The following MDFI variants were observed in gnomAD, a reference collection of about 807,000 sequenced individuals.
MDFI encodes the protein MyoD family inhibitor, also known as inhibitor of MyoD family a.
MDFI carries 16 observed loss-of-function variants against 22.3 expected under a neutral mutation model. The observed-to-expected ratio is 0.72, with a 90% CI of 0.49 to 1.09. The LOEUF (loss-of-function observed/expected upper bound fraction) is 1.09. Ranked by LOEUF, MDFI falls within the 50% of genes least tolerant of loss-of-function variation. The probability of loss-of-function intolerance (pLI) is 0.00; values close to 1 mark genes in which losing one functional copy is unlikely to be tolerated. For missense variants in MDFI, 314 were observed against 326.1 expected (o/e 0.96, Z 0.29); for synonymous variants, 145 against 142.7 (o/e 1.02, Z -0.12).
intron 2 of MDFI, among the ~76,000 whole-genome samples, chr6:41,644,734 A>G (rs1385466773): frequency 9.2e-6 from 1 of 108,262 alleles, no homozygotes; most frequent in South Asian, 3.2e-4. Context: ...CCCCACCCCC[A>G]CTCTCTCCCT....
Position 41,653,201 on chromosome 6 carries a change from G to T in MDFI, c.485-118G>T. ...CGGATTCGTGAGCTTCAGGCACACA[G>T]TGAACACTCAGCGTCCCTGCTGCTG... On this transcript the variant is annotated intron_variant, in intron 4 of 4. Transcript: ENST00000230321. The surrounding 1 kb of genome is among the most constrained non-coding windows in gnomAD (Gnocchi z 4.2). 1.9e-6 allele frequency: 2 copies of T among 1,051,648 alleles called. No homozygotes were observed. The highest frequency in any genetic ancestry group is 4.8e-5 in the East Asian group (2 of 41,978). The allele number at this position is 1,051,648 out of a possible 1,614,324, so 65.1% of individuals were successfully genotyped here.
chr6:41,649,751 A>G lies in MDFI; in HGVS notation c.392A>G (p.Gln131Arg). The G allele has an allele frequency of 6.2e-7, 1 of 1,614,122 alleles. No individual in the cohort carries two copies. Among genetic ancestry groups the G allele is most frequent in the South Asian group, 1.1e-5 (1 of 91,082 alleles). Residue 131 changes from glutamine to arginine, a missense_variant, in exon 4 of 5, where the codon CAG becomes CGG. Physicochemically the swap from Gln to Arg is conservative, Grantham distance 43 (BLOSUM62 1). Coordinates refer to ENST00000230321, the MANE Select transcript of MDFI (RefSeq NM_005586.4). ...GGCCCCAAGGCCCACCGGAAGTTGCAGACACACCCATCTCTCGCCAGCCAG... is the reference window on the plus strand; with the variant it reads ...GGCCCCAAGGCCCACCGGAAGTTGCGGACACACCCATCTCTCGCCAGCCAG... Reference protein sequence around the residue: ...LGGPKAHRKLQTHPSLASQGS... With the variant: ...LGGPKAHRKLRTHPSLASQGS...
intron 3 of MDFI, among the ~76,000 whole-genome samples, chr6:41,646,816 A>G (rs879581535): frequency 3.3e-5 from 5 of 152,196 alleles, no homozygotes; most frequent in Non-Finnish European, 7.3e-5. Context: ...AACAGCTGGG[A>G]TCATTTTATA....
rs1768384060 is a variant in MDFI, at chr6:41,653,929, AGGGT to A, written c.*358_*361del. The A allele has an allele frequency of 7.1e-6, 2 of 280,898 alleles. No homozygotes were observed. The highest frequency in any genetic ancestry group is 4.4e-5 in the African/African-American group (2 of 45,042). 17.4% of individuals were successfully genotyped at this position (280,898 alleles called of 1,614,324 possible). On this transcript the variant is annotated 3_prime_UTR_variant, in exon 5 of 5. Transcript: ENST00000230321. This position sits in a 1 kb window ranked among gnomAD's most constrained non-coding sequence, Gnocchi z 4.2. ...GGAACACTGTGAAAGTTACTTGGGG[AGGGT>A]GGGCCGGTGGGGCCGTAGCTCTCTA... is the stretch of plus-strand genomic sequence containing the variant.
At chr6:41,647,235 G>T (rs1394848779) in intron 3 of MDFI, among the ~76,000 whole-genome samples, 3 of 152,230 alleles carry the variant, frequency 2.0e-5, no homozygotes, top group African/African-American at 7.2e-5. Context: ...AGGGGGTCTG[G>T]TGGGAATGGG....
Position 41,638,945 on chromosome 6 carries a change from G to A in MDFI, c.76+120G>A, listed in dbSNP as rs941025724. The A allele has an allele frequency of 6.1e-6, 7 of 1,147,056 alleles. No individual in the cohort carries two copies. In the African/African-American group the frequency reaches 9.5e-5, roughly 16 times the overall value. 71.1% of individuals were successfully genotyped at this position (1,147,056 alleles called of 1,614,324 possible). A position where few individuals can be genotyped will look rare whatever the true frequency, so the allele number is the denominator to read the frequency against. Reference sequence around the variant, plus strand: ...AGACCGTTCCAGGGAGCTTGGTGGGGGTAGGGACGAAAAGTCTGGGTTTGA... The same window carrying A: ...AGACCGTTCCAGGGAGCTTGGTGGGAGTAGGGACGAAAAGTCTGGGTTTGA... On this transcript the variant is annotated intron_variant, in intron 2 of 4. Transcript: ENST00000230321. The surrounding 1 kb of genome is among the most constrained non-coding windows in gnomAD (Gnocchi z 7.6).
rs79643971 is a variant in MDFI, at chr6:41,640,623, G to A, written c.76+1798G>A. ...TGAATTTGAGACCAGAATCCCCCAC[G>A]CTTTACTCCCTGAGTGCTGACAGAA... is the stretch of plus-strand genomic sequence containing the variant. On this transcript the variant is annotated intron_variant, in intron 2 of 4. Transcript: ENST00000230321. Among the ~76,000 whole-genome samples, 1,464 of 152,312 alleles carry A rather than the reference G, an allele frequency of 9.6e-3. 21 individuals are homozygous for A. Among genetic ancestry groups the A allele is most frequent in the African/African-American group, 0.031 (1,281 of 41,574 alleles).
At chr6:41,639,092 A>C (rs1767748334) in intron 2 of MDFI, 3 of 461,562 alleles carry the variant, frequency 6.5e-6, no homozygotes, top group Non-Finnish European at 8.3e-6. Context: ...ACACACACAC[A>C]CACACAAACA....
chr6:41,641,259 AG>A (rs1402233308), intron 2 of MDFI, among the ~76,000 whole-genome samples: 1 of 152,158 alleles, frequency 6.6e-6, no homozygotes, highest in Non-Finnish European at 1.5e-5. Flanking sequence ...GTGAGTTGGG[AG>A]GGCTGTAGTC....
Position 41,653,189 on chromosome 6 carries a change from T to A in MDFI, c.485-130T>A. The A allele has an allele frequency of 1.1e-6, 1 of 940,300 alleles. No homozygotes were observed. Among genetic ancestry groups the A allele is most frequent in the Non-Finnish European group, 1.6e-6 (1 of 608,178 alleles). The allele number at this position is 940,300 out of a possible 1,614,324, so 58.2% of individuals were successfully genotyped here. A position where few individuals can be genotyped will look rare whatever the true frequency, so the allele number is the denominator to read the frequency against. ...GAGCTGTGGGGACGGATTCGTGAGC[T>A]TCAGGCACACAGTGAACACTCAGCG... is the stretch of plus-strand genomic sequence containing the variant. On this transcript the variant is annotated intron_variant, in intron 4 of 4. Coordinates refer to ENST00000230321, the MANE Select transcript of MDFI (RefSeq NM_005586.4). This position sits in a 1 kb window ranked among gnomAD's most constrained non-coding sequence, Gnocchi z 4.2.
In MDFI at chr6:41,638,577, G is replaced by A; in HGVS notation, c.-87G>A. The A allele has an allele frequency of 2.9e-6, 2 of 685,174 alleles. No individual in the cohort carries two copies. Among genetic ancestry groups the A allele is most frequent in the Non-Finnish European group, 4.6e-6 (2 of 433,388 alleles). The allele number at this position is 685,174 out of a possible 1,614,324, so 42.4% of individuals were successfully genotyped here. On this transcript the variant is annotated 5_prime_UTR_variant, in exon 1 of 5. Coordinates refer to ENST00000230321, the MANE Select transcript of MDFI (RefSeq NM_005586.4). This position sits in a 1 kb window ranked among gnomAD's most constrained non-coding sequence, Gnocchi z 7.6. ...CGGGAGCCAGCGGGACCTGGGCAGG[G>A]GCGCCCGGAGCAGGCGCGCATGGCG... is the stretch of plus-strand genomic sequence containing the variant.
chr6:41,640,907 T>G (rs1767831339), intron 2 of MDFI, among the ~76,000 whole-genome samples: 1 of 152,248 alleles, frequency 6.6e-6, no homozygotes, highest in African/African-American at 2.4e-5. Flanking sequence ...ACATTCCTGT[T>G]CATGGTTCTA....
rs1768264556 is a variant in MDFI, at chr6:41,651,332, C to T, written c.484+1489C>T. Among the ~76,000 whole-genome samples, 2 of 149,390 alleles carry T rather than the reference C, an allele frequency of 1.3e-5. 1 individual carries two copies. The highest frequency in any genetic ancestry group is 1.3e-4 in the Admixed American group (2 of 15,086). Reference sequence around the variant, plus strand: ...ACTCATGCAGAGGATTACGCAAACACAGGGGGACCACTCACACCAGCCCAG... The same window carrying T: ...ACTCATGCAGAGGATTACGCAAACATAGGGGGACCACTCACACCAGCCCAG... On this transcript the variant is annotated intron_variant, in intron 4 of 4. Coordinates refer to ENST00000230321, the MANE Select transcript of MDFI (RefSeq NM_005586.4).
intron 2 of MDFI, among the ~76,000 whole-genome samples, chr6:41,642,804 C>T (rs997207808): frequency 2.0e-5 from 3 of 152,182 alleles, no homozygotes; most frequent in Admixed American, 6.5e-5. Flanking sequence ...TGGGCCTCCT[C>T]GGGCCTTGGT....
At chr6:41,639,291 T>A (rs1235707236) in intron 2 of MDFI, 3 of 985,222 alleles carry the variant, frequency 3.0e-6, no homozygotes, top group Non-Finnish European at 2.4e-6. Flanking sequence ...CGCGAGCGGC[T>A]GCAGGACCCA....
Position 41,638,650 on chromosome 6 carries a change from C to T in MDFI, c.-14C>T. ...GGAAGAGAGCGTAGCACGGCTCGCA[C>T]GAGTGAGTGGACGTGGGAGGCGCGC... On this transcript the variant is annotated splice_region_variant and 5_prime_UTR_variant, in exon 1 of 5. It adds an upstream start codon to the 5' untranslated region. Coordinates refer to ENST00000230321, the MANE Select transcript of MDFI (RefSeq NM_005586.4). This position sits in a 1 kb window ranked among gnomAD's most constrained non-coding sequence, Gnocchi z 7.6. The T allele has an allele frequency of 7.5e-7, 1 of 1,329,770 alleles. No individual in the cohort carries two copies. 82.4% of individuals were successfully genotyped at this position (1,329,770 alleles called of 1,614,324 possible).
At chr6:41,650,358 C>G (rs532320644) in intron 4 of MDFI, among the ~76,000 whole-genome samples, 1 of 152,326 alleles carries the variant, frequency 6.6e-6, no homozygotes, top group Non-Finnish European at 1.5e-5. Context: ...TGCAGGGCCA[C>G]AGGGGCAGCC....
At position 41,653,853 on chromosome 6, in the gene MDFI, C is replaced by T. The variant is rs1768380112; in HGVS notation, c.*278C>T. The T allele has an allele frequency of 4.8e-6, 2 of 415,854 alleles. No homozygotes were observed. Among genetic ancestry groups the T allele is most frequent in the Admixed American group, 7.3e-5 (2 of 27,368 alleles). 25.8% of individuals were successfully genotyped at this position (415,854 alleles called of 1,614,324 possible). ...ATACATTGCTGAGGACCTGACAGGA[C>T]AACCTAGGGGCAGGGCTGGGGTGGG... is the stretch of plus-strand genomic sequence containing the variant. On this transcript the variant is annotated 3_prime_UTR_variant, in exon 5 of 5. Coordinates refer to ENST00000230321, the MANE Select transcript of MDFI (RefSeq NM_005586.4). The surrounding 1 kb of genome is among the most constrained non-coding windows in gnomAD (Gnocchi z 4.2).
At chr6:41,647,263 T>G (rs1003196033) in intron 3 of MDFI, among the ~76,000 whole-genome samples, 3 of 152,242 alleles carry the variant, frequency 2.0e-5, no homozygotes, top group Non-Finnish European at 4.4e-5. Context: ...CTCCTGTGTC[T>G]GTGAGCCCTG....
Sources: gnomAD v4.1 joint callset for allele counts (sites outside exome capture counted in the v4.1 genomes callset) on GRCh38, gnomAD v4.1.1 for gene constraint, Gnocchi (gnomAD v3.1) non-coding constraint, MANE v1.5 for transcripts, NCBI Gene and HGNC (gene_info 2026-07-23, HGNC 2026-07-21) for gene names.